CTDSPL2: variants seen among roughly 807,000 people sequenced by gnomAD.
The protein encoded by CTDSPL2 is CTD small phosphatase like 2, also known as CTD small phosphatase-like protein 2.
A neutral mutation model predicts 60.0 loss-of-function variants in CTDSPL2; 5 were observed. The ratio of observed to expected loss-of-function variants is 0.08; its 90% CI spans 0.04 to 0.18. The LOEUF (loss-of-function observed/expected upper bound fraction) is 0.18, where lower values mean the gene tolerates loss of function less well. Ranked by LOEUF, CTDSPL2 falls within the 10% of genes least tolerant of loss-of-function variation. The pLI is 1.00. For synonymous variants in CTDSPL2, 186 were observed against 189.3 expected (o/e 0.98, Z 0.14); for missense variants, 370 against 548.8 (o/e 0.67, Z 3.26).
At chr15:44,515,986 CT>C (rs562541301) in intron 10 of CTDSPL2, among the ~76,000 whole-genome samples, 238 of 132,924 alleles carry the variant, frequency 1.8e-3, no homozygotes, top group Middle Eastern at 3.8e-3. Flanking sequence ...CTTTCTTTTT[CT>C]TTTTTTTTTT....
At position 44,490,958 on chromosome 15, in the gene CTDSPL2, A is replaced by C. The variant is rs1280718221; in HGVS notation, c.650A>C (p.Glu217Ala). The C allele has an allele frequency of 2.5e-6, 4 of 1,614,032 alleles. No homozygotes were observed. The highest frequency in any genetic ancestry group is 1.7e-5 in the Admixed American group (1 of 60,002). The change falls in exon 5 of 13, where the codon GAA becomes GCA. Residue 217 changes from glutamate (E) to alanine (A), a missense_variant. By Grantham distance (107) the Glu-to-Ala change is moderately radical. Around this residue, in one of 6 missense-constraint regions of CTDSPL2, gnomAD observed 287 missense variants for 296.1 expected, o/e 0.97. Coordinates refer to ENST00000260327, the MANE Select transcript of CTDSPL2 (RefSeq NM_016396.3). Reference sequence around the variant, plus strand: ...CCATCACTAAACAATGGTTTAGAAGAAGCAGAAGAAACAGTTAATCGTGAT... The same window carrying C: ...CCATCACTAAACAATGGTTTAGAAGCAGCAGAAGAAACAGTTAATCGTGAT... ...VRPSLNNGLE[E>A]AEETVNRDIP...
intron 4 of CTDSPL2, among the ~76,000 whole-genome samples, chr15:44,489,101 A>G (rs1211375280): frequency 1.4e-5 from 2 of 147,596 alleles, no homozygotes; most frequent in Admixed American, 6.8e-5. Context: ...TACACACACA[A>G]CCTCTCTCTC....
intron 8 of CTDSPL2, among the ~76,000 whole-genome samples, chr15:44,507,412 G>T (rs1200452700): frequency 1.3e-5 from 2 of 152,084 alleles, no homozygotes; most frequent in Admixed American, 6.5e-5. Flanking sequence ...GGGATTTTTT[G>T]TTGTTTTGTT....
intron 2 of CTDSPL2, among the ~76,000 whole-genome samples, chr15:44,463,575 C>G (rs563504193): frequency 3.9e-5 from 6 of 152,134 alleles, no homozygotes; most frequent in South Asian, 2.1e-4. Context: ...TATTTGAATG[C>G]TTTACTAAAA....
At chr15:44,484,427 T>C in intron 3 of CTDSPL2, 65 bp downstream of exon 3, 1 of 1,464,830 alleles carries the variant, frequency 6.8e-7, no homozygotes, top group Non-Finnish European at 9.4e-7. Context: ...ACACATTTCT[T>C]ATCTATTTTT....
intron 5 of CTDSPL2, among the ~76,000 whole-genome samples, chr15:44,495,706 C>T (rs1344443347): frequency 6.6e-6 from 1 of 151,964 alleles, no homozygotes; most frequent in Non-Finnish European, 1.5e-5. Flanking sequence ...GGTTGAGGTG[C>T]ACGGATCACC....
intron 1 of CTDSPL2, among the ~76,000 whole-genome samples, chr15:44,432,449 A>G (rs1488787713): frequency 6.6e-6 from 1 of 150,730 alleles, no homozygotes; most frequent in Non-Finnish European, 1.5e-5. Context: ...CCTCCCAGGT[A>G]GCTAGGATTA....
At chr15:44,519,327 T>A in intron 11 of CTDSPL2, 32 bp downstream of exon 11, 2 of 1,524,928 alleles carry the variant, frequency 1.3e-6, no homozygotes, top group Non-Finnish European at 1.8e-6. Flanking sequence ...AAACTCAGAT[T>A]GGAAAAAATA....
intron 1 of CTDSPL2, among the ~76,000 whole-genome samples, chr15:44,430,671 G>C (rs957155563): frequency 2.6e-5 from 4 of 152,198 alleles, no homozygotes; most frequent in African/African-American, 7.2e-5. Context: ...GGTTGTGAAA[G>C]CATAAAGTAG....
intron 5 of CTDSPL2, among the ~76,000 whole-genome samples, chr15:44,493,633 AAAC>A (rs1163292029): frequency 5.9e-5 from 9 of 152,090 alleles, no homozygotes; most frequent in Non-Finnish European, 1.0e-4. Flanking sequence ...GTATCTACAA[AAAC>A]AACAACAAAA....
intron 2 of CTDSPL2, among the ~76,000 whole-genome samples, chr15:44,483,896 A>G (rs2081074205): frequency 6.6e-6 from 1 of 152,212 alleles, no homozygotes; most frequent in Non-Finnish European, 1.5e-5. Context: ...TCTTAAGGAC[A>G]CTTCTAAAAA....
At position 44,459,089 on chromosome 15, in the gene CTDSPL2, G is replaced by A; in HGVS notation, c.75G>A (p.Arg25=). 6.2e-7 allele frequency: 1 copy of A among 1,612,962 alleles called. No individual in the cohort carries two copies. The change falls in exon 2 of 13, where the codon AGG becomes AGA. Residue 25 remains arginine, a synonymous_variant. Transcript: ENST00000260327. ...CACAACGCACTGCCAGAGCAAAGAG[G>A]AAATATTCAGAGGTTGATGATAGCC... ...IQTQRTARAK[R]KYSEVDDSLP... is the part of the protein sequence containing the mutation.
chr15:44,441,342 C>A (rs538758325), intron 1 of CTDSPL2, among the ~76,000 whole-genome samples: 1 of 152,136 alleles, frequency 6.6e-6, no homozygotes, highest in Non-Finnish European at 1.5e-5. Flanking sequence ...GTTGGGGCTT[C>A]GTATTTTTCC....
chr15:44,490,852 G>A lies in CTDSPL2; in HGVS notation c.544G>A (p.Glu182Lys). Reference sequence around the variant, plus strand: ...AGAAATAGTAAAACAACTTGATATGGAACAGGTGGATGAGATCACTACCAG... The same window carrying A: ...AGAAATAGTAAAACAACTTGATATGAAACAGGTGGATGAGATCACTACCAG... ...AEEIVKQLDM[E>K]QVDEITTSTT... The change falls in exon 5 of 13, where the codon GAA (glutamate) becomes AAA (lysine). Residue 182 changes from glutamate to lysine, a missense_variant. Physicochemically the swap from Glu to Lys is moderately conservative, Grantham distance 56. Around this residue, in one of 6 missense-constraint regions of CTDSPL2, gnomAD observed 287 missense variants for 296.1 expected, o/e 0.97. Coordinates refer to ENST00000260327, the MANE Select transcript of CTDSPL2 (RefSeq NM_016396.3). 1.2e-6 allele frequency: 2 copies of A among 1,613,888 alleles called. No homozygotes were observed. Among genetic ancestry groups the A allele is most frequent in the South Asian group, 1.1e-5 (1 of 91,068 alleles).
chr15:44,500,607 T>A (rs1218036257), intron 8 of CTDSPL2, among the ~76,000 whole-genome samples: 1 of 152,214 alleles, frequency 6.6e-6, no homozygotes, highest in Non-Finnish European at 1.5e-5. Context: ...GCCTAAAGAT[T>A]AACTTAGTAA....
chr15:44,450,629 C>G (rs1184656997), intron 1 of CTDSPL2, among the ~76,000 whole-genome samples: 1 of 110,724 alleles, frequency 9.0e-6, no homozygotes, highest in African/African-American at 3.6e-5. Context: ...CTGAGTCTCA[C>G]TTTGTCACGC....
chr15:44,474,210 C>CACGCCTGTA (rs1469174116), intron 2 of CTDSPL2, among the ~76,000 whole-genome samples: 2 of 152,290 alleles, frequency 1.3e-5, no homozygotes, highest in East Asian at 1.9e-4. Context: ...TGCGGTAGCT[C>CACGCCTGTA]ACGCCTGTAA....
intron 1 of CTDSPL2, among the ~76,000 whole-genome samples, chr15:44,454,430 A>C (rs2080393026): frequency 6.6e-6 from 1 of 152,064 alleles, no homozygotes; most frequent in South Asian, 2.1e-4. Flanking sequence ...CTTTAGTTTA[A>C]CTAGATCCCA....
intron 2 of CTDSPL2, among the ~76,000 whole-genome samples, chr15:44,465,706 C>T (rs1383057222): frequency 3.3e-5 from 5 of 149,684 alleles, no homozygotes; most frequent in Non-Finnish European, 7.4e-5. Context: ...GAATTTTCCT[C>T]CTCCTCTTTT....
Sources: allele counts gnomAD v4.1 joint callset (sites outside exome capture counted in the v4.1 genomes callset), GRCh38; gene constraint gnomAD v4.1.1; regional missense constraint gnomAD v4.1.1; transcripts MANE v1.5; gene names NCBI Gene and HGNC (gene_info 2026-07-23, HGNC 2026-07-21).